Variants in PREB observed in about 807,000 individuals in gnomAD.
PREB encodes guanine nucleotide-exchange factor SEC12.
In PREB, 29 loss-of-function variants were observed where a neutral mutation model predicts 46.7. The ratio of observed to expected loss-of-function variants is 0.62; its 90% CI spans 0.46 to 0.85. The LOEUF (loss-of-function observed/expected upper bound fraction) is 0.85, where lower values mean the gene tolerates loss of function less well. PREB is among the 40% of genes least tolerant of loss of function. PREB has a pLI of 0.00. For synonymous variants in PREB, 224 were observed against 220.1 expected, an observed-to-expected ratio of 1.02 and a Z score of -0.16; for missense variants, 494 against 528.4, an observed-to-expected ratio of 0.93 and a Z score of 0.64.
chr2:27,133,519 G>A lies in PREB; in HGVS notation c.325+13C>T. On this transcript the variant is annotated intron_variant, in intron 2 of 8. Coordinates refer to ENST00000260643, the MANE Select transcript of PREB (RefSeq NM_013388.6). ...AACCCTTTCCCCAAGGGGGTAGAGA[G>A]GGAGCTCCTCACCGGCCTTCTCTGC... 6.2e-7 allele frequency: 1 copy of A among 1,611,558 alleles called. No homozygotes were observed.
chr2:27,134,374 C>T lies in PREB; in HGVS notation c.48G>A (p.Leu16=), dbSNP rs1672412876. 6.2e-7 allele frequency: 1 copy of T among 1,610,708 alleles called. No homozygotes were observed. The highest frequency in any genetic ancestry group is 8.5e-7 in the Non-Finnish European group (1 of 1,179,288). The change falls in exon 1 of 9, where the codon TTG becomes TTA. Residue 16 remains leucine, a synonymous_variant. Transcript: ENST00000260643. ...TGCTGGGGTCGACCTGAAGCGCGTA[C>T]AACGGGAACGGAGCCCGGTACAGCT... ...APELYRAPFP[L]YALQVDPSTG...
rs770719070 is a variant in PREB, at chr2:27,133,237, C to G, written c.426G>C (p.Glu142Asp). 6.2e-7 allele frequency: 1 copy of G among 1,614,226 alleles called. No homozygotes were observed. Among genetic ancestry groups the G allele is most frequent in the Admixed American group, 1.7e-5 (1 of 60,028 alleles). The change falls in exon 3 of 9, where the codon GAG becomes GAC. Residue 142 changes from glutamate to aspartate, a missense_variant. Glu to Asp is a conservative substitution (Grantham distance 45). Coordinates refer to ENST00000260643, the MANE Select transcript of PREB (RefSeq NM_013388.6). The part of the protein sequence containing the change: ...TQHEGLELRV[E>D]NLQAVQTDFS... ...AGTCTGTCTGCACCGCCTGCAAATTCTCTACCCTGAGTTCTAGCCCCTCGT... is the reference window on the plus strand; with the variant it reads ...AGTCTGTCTGCACCGCCTGCAAATTGTCTACCCTGAGTTCTAGCCCCTCGT...
In PREB at chr2:27,134,278, C is replaced by T. The variant is rs759844019; in HGVS notation, c.135+9G>A. 4.4e-6 allele frequency: 7 copies of T among 1,596,016 alleles called. 1 individual carries two copies. In the South Asian group the frequency reaches 7.9e-5, roughly 18 times the overall value. On this transcript the variant is annotated intron_variant, in intron 1 of 8. Coordinates refer to ENST00000260643, the MANE Select transcript of PREB (RefSeq NM_013388.6). The stretch of plus-strand genomic sequence containing the variant: ...GCAAGACCCAGCCCCAGTGGCCCTG[C>T]GCTCTCACCACGCCATTCTTTATGC...
At chr2:27,131,866 T>G in intron 7 of PREB, 35 bp from the exon 8 acceptor site, 3 of 1,608,866 alleles carry the variant, frequency 1.9e-6, no homozygotes, top group Non-Finnish European at 2.6e-6. Context: ...AGGAAAGGCC[T>G]AGCTGGGAAC....
Position 27,132,705 on chromosome 2 carries a change from A to C in PREB, c.650T>G (p.Leu217Arg). 1.2e-6 allele frequency: 2 copies of C among 1,614,146 alleles called. No individual in the cohort carries two copies. The highest frequency in any genetic ancestry group is 8.5e-7 in the Non-Finnish European group (1 of 1,180,014). The change falls in exon 5 of 9, where the codon CTT (leucine) becomes CGT (arginine). Residue 217 changes from leucine (L) to arginine (R), a missense_variant. By Grantham distance (102) the Leu-to-Arg change is moderately radical. Transcript: ENST00000260643. The surrounding 1 kb of genome is among the most constrained non-coding windows in gnomAD (Gnocchi z 4.0). ...ATCCTTCTGCCACACAGAGGCCTTA[A>C]GGTCCCGGCCCACGGTTACCAACTA... is the stretch of plus-strand genomic sequence containing the variant. ...DGKLVTVGRD[L>R]KASVWQKDQL...
Position 27,132,811 on chromosome 2 carries a change from T to C in PREB, c.627+32A>G. 6.2e-7 allele frequency: 1 copy of C among 1,610,974 alleles called. No homozygotes were observed. Among genetic ancestry groups the C allele is most frequent in the African/African-American group, 1.4e-5 (1 of 72,800 alleles). On this transcript the variant is annotated intron_variant, in intron 4 of 8. Coordinates refer to ENST00000260643, the MANE Select transcript of PREB (RefSeq NM_013388.6). The surrounding 1 kb of genome is among the most constrained non-coding windows in gnomAD (Gnocchi z 4.0). The stretch of plus-strand genomic sequence containing the variant: ...CAGCATAAGCACCTCCTCTCTCCTT[T>C]CTCCATCCTCCTCCCACCCCCAGCC...
chr2:27,134,491 GC>G lies in PREB; in HGVS notation c.-71del, dbSNP rs1672420096. The G allele has an allele frequency of 1.6e-5, 22 of 1,401,552 alleles. No homozygotes were observed. Among genetic ancestry groups the G allele is most frequent in the Non-Finnish European group, 2.0e-5 (22 of 1,087,330 alleles). 86.8% of individuals were successfully genotyped at this position (1,401,552 alleles called of 1,614,324 possible). On this transcript the variant is annotated 5_prime_UTR_variant, in exon 1 of 9. An upstream open reading frame in the 5' UTR loses its in-frame stop. Transcript: ENST00000260643. Reference sequence around the variant, plus strand: ...ATGCCGCGCCGGGCCTTCGACTACTGCCCCGGCGGCTGGTGAACTCGGCCCC... The same window carrying G: ...ATGCCGCGCCGGGCCTTCGACTACTGCCCGGCGGCTGGTGAACTCGGCCCC...
In PREB at chr2:27,133,225, C is replaced by A; in HGVS notation, c.438G>T (p.Ala146=). ...GATCGGAGCTAAAGTCTGTCTGCAC[C>A]GCCTGCAAATTCTCTACCCTGAGTT... ...GLELRVENLQ[A]VQTDFSSDPL... The change falls in exon 3 of 9, where the codon GCG becomes GCT. Residue 146 remains alanine, a synonymous_variant. Transcript: ENST00000260643. The A allele has an allele frequency of 5.0e-6, 8 of 1,614,166 alleles. No homozygotes were observed. The highest frequency in any genetic ancestry group is 5.9e-6 in the Non-Finnish European group (7 of 1,180,044).
rs1412129006 is a variant in PREB, at chr2:27,134,577, A to T, written c.-156T>A. ...CCGGGGAGTTGCCAAAACCCTGACCATCAGCAGGAAGCCGAGCCTCAGCTC... is the reference window on the plus strand; with the variant it reads ...CCGGGGAGTTGCCAAAACCCTGACCTTCAGCAGGAAGCCGAGCCTCAGCTC... On this transcript the variant is annotated 5_prime_UTR_variant, in exon 1 of 9. The change abolishes an upstream ATG in the 5' untranslated region. Transcript: ENST00000260643. 3.7e-6 allele frequency: 5 copies of T among 1,343,944 alleles called. No individual in the cohort carries two copies. The highest frequency in any genetic ancestry group is 1.9e-5 in the South Asian group (1 of 53,244). The allele number at this position is 1,343,944 out of a possible 1,614,324, so 83.3% of individuals were successfully genotyped here.
In PREB at chr2:27,130,952, C is replaced by A; in HGVS notation, c.*462G>T. 1 of 625,226 alleles carries A rather than the reference C, an allele frequency of 1.6e-6. No individual in the cohort carries two copies. The highest frequency in any genetic ancestry group is 2.0e-5 in the South Asian group (1 of 50,188). The allele number at this position is 625,226 out of a possible 1,614,324, so 38.7% of individuals were successfully genotyped here. Reference sequence around the variant, plus strand: ...CAAGTCTTCCTTTTGCCCCTTCCTGCCCTAACAGCAAGTACCAGGCCAGTC... The same window carrying A: ...CAAGTCTTCCTTTTGCCCCTTCCTGACCTAACAGCAAGTACCAGGCCAGTC... On this transcript the variant is annotated 3_prime_UTR_variant, in exon 9 of 9. Transcript: ENST00000260643.
Position 27,132,494 on chromosome 2 carries a change from G to C in PREB, c.753-91C>G. 6.3e-7 allele frequency: 1 copy of C among 1,592,088 alleles called. No individual in the cohort carries two copies. Among genetic ancestry groups the C allele is most frequent in the Non-Finnish European group, 8.6e-7 (1 of 1,167,758 alleles). ...ACCACCTGCACCCTGGTCAGACCTG[G>C]GGTAACACTCAACAAGTTCCTCCCC... is the stretch of plus-strand genomic sequence containing the variant. On this transcript the variant is annotated intron_variant, in intron 5 of 8. Transcript: ENST00000260643. This position sits in a 1 kb window ranked among gnomAD's most constrained non-coding sequence, Gnocchi z 4.0.
At position 27,132,387 on chromosome 2, in the gene PREB, C is replaced by G. The variant is rs758888559; in HGVS notation, c.769G>C (p.Asp257His). ...YQACRFGQVP[D>H]QPAGLRLFTV... is the part of the protein sequence containing the mutation. ...AAGAGTCGCAGGCCAGCAGGCTGGT[C>G]TGGAACCTGCCCAAACCTGGGGGCC... Residue 257 changes from aspartate to histidine, a missense_variant, in exon 6 of 9, where the codon GAC becomes CAC. Physicochemically the swap from Asp to His is moderately conservative, Grantham distance 81. Transcript: ENST00000260643. The surrounding 1 kb of genome is among the most constrained non-coding windows in gnomAD (Gnocchi z 4.0). 3.1e-6 allele frequency: 5 copies of G among 1,611,696 alleles called. No homozygotes were observed. The highest frequency in any genetic ancestry group is 4.2e-6 in the Non-Finnish European group (5 of 1,179,514).
intron 1 of PREB, 98 bp downstream of exon 1, chr2:27,134,189 C>T: frequency 7.2e-7 from 1 of 1,385,452 alleles, no homozygotes. Context: ...TGGGCAGGGC[C>T]CGAAGCTGGA....
Position 27,131,039 on chromosome 2 carries a change from G to T in PREB, c.*375C>A. The T allele has an allele frequency of 1.9e-6, 1 of 527,788 alleles. No homozygotes were observed. The highest frequency in any genetic ancestry group is 3.4e-6 in the Non-Finnish European group (1 of 294,762). 32.7% of individuals were successfully genotyped at this position (527,788 alleles called of 1,614,324 possible). A position where few individuals can be genotyped will look rare whatever the true frequency, so the allele number is the denominator to read the frequency against. On this transcript the variant is annotated 3_prime_UTR_variant, in exon 9 of 9. Transcript: ENST00000260643. ...GGAACTGGCCACAAGGCTGAGGGGA[G>T]GAGGAGAAACTGTTTCTGCAGGAAG... is the stretch of plus-strand genomic sequence containing the variant.
In PREB at chr2:27,134,361, C is replaced by A. The variant is rs1300756155; in HGVS notation, c.61G>T (p.Val21Phe). ...RAPFPLYALQ[V>F]DPSTGLLIAA... ...ATGAGCAGCCCAGTGCTGGGGTCGA[C>A]CTGAAGCGCGTACAACGGGAACGGA... The change falls in exon 1 of 9, where the codon GTC becomes TTC. Residue 21 changes from valine (V) to phenylalanine (F), a missense_variant. Physicochemically the swap from Val to Phe is conservative, Grantham distance 50. Transcript: ENST00000260643. The A allele has an allele frequency of 6.2e-7, 1 of 1,611,222 alleles. No homozygotes were observed. The highest frequency in any genetic ancestry group is 1.7e-5 in the Admixed American group (1 of 59,942).
Position 27,131,753 on chromosome 2 carries a change from C to G in PREB, c.1078G>C (p.Glu360Gln). 6.2e-7 allele frequency: 1 copy of G among 1,614,158 alleles called. No homozygotes were observed. Among genetic ancestry groups the G allele is most frequent in the Non-Finnish European group, 8.5e-7 (1 of 1,179,992 alleles). Residue 360 changes from glutamate (E) to glutamine (Q), a missense_variant, in exon 8 of 9, where the codon GAG (glutamate) becomes CAG (glutamine). By Grantham distance (29) the Glu-to-Gln change is conservative. Transcript: ENST00000260643. The stretch of plus-strand genomic sequence containing the variant: ...GCAGTTTCATGGGACCCAAGGAGCT[C>G]TGGACCACGACCCTTCTCAGGTAGA... ...AFLPEKGRGP[E>Q]LLGSHETALF...
At chr2:27,133,860 G>GC in intron 1 of PREB, 139 bp from the exon 2 acceptor site, 1 of 826,496 alleles carries the variant, frequency 1.2e-6, no homozygotes, top group Non-Finnish European at 1.9e-6. Context: ...CTCTCATTTG[G>GC]GCCTCACAAA....
In PREB at chr2:27,134,451, C is replaced by G; in HGVS notation, c.-30G>C. 1.3e-6 allele frequency: 2 copies of G among 1,513,368 alleles called. No individual in the cohort carries two copies. Among genetic ancestry groups the G allele is most frequent in the Non-Finnish European group, 8.8e-7 (1 of 1,138,538 alleles). 93.7% of individuals were successfully genotyped at this position (1,513,368 alleles called of 1,614,324 possible). A position where few individuals can be genotyped will look rare whatever the true frequency, so the allele number is the denominator to read the frequency against. ...CCCGGCGCGCGTTCACTGCCCGCAC[C>G]GCGGCACCCAGGACATGCCGCGCCG... On this transcript the variant is annotated 5_prime_UTR_variant, in exon 1 of 9. Transcript: ENST00000260643.
rs1402999320 is a variant in PREB, at chr2:27,132,615, T to A, written c.740A>T (p.Tyr247Phe). ...AAAGTCTTCACACCTGCAGGCCTGG[T>A]AGCGGTAAGGTGTGCTGGAAAAGGT... ...GPTFSSTPYR[Y>F]QACRFGQVPD... is the part of the protein sequence containing the mutation. The change falls in exon 5 of 9, where the codon TAC (tyrosine) becomes TTC (phenylalanine). Residue 247 changes from tyrosine (Y) to phenylalanine (F), a missense_variant. Transcript: ENST00000260643. The surrounding 1 kb of genome is among the most constrained non-coding windows in gnomAD (Gnocchi z 4.0). 6.2e-7 allele frequency: 1 copy of A among 1,614,062 alleles called. No homozygotes were observed. The highest frequency in any genetic ancestry group is 1.7e-5 in the Admixed American group (1 of 60,014).
Sources: allele counts gnomAD v4.1 joint callset, GRCh38; gene constraint gnomAD v4.1.1; non-coding constraint Gnocchi (gnomAD v3.1); transcripts MANE v1.5; gene names NCBI Gene and HGNC (gene_info 2026-07-23, HGNC 2026-07-21).